The following SIMC1 variants were observed in gnomAD, a reference collection of about 807,000 sequenced individuals.
The protein encoded by SIMC1 is SUMO-interacting motif-containing protein 1.
A neutral mutation model predicts 82.3 loss-of-function variants in SIMC1; 55 were observed. The ratio of observed to expected loss-of-function variants is 0.67; its 90% confidence interval spans 0.54 to 0.84. The LOEUF (loss-of-function observed/expected upper bound fraction) is 0.84, where lower values mean the gene tolerates loss of function less well. SIMC1 is among the 40% of genes least tolerant of loss of function. The pLI is 0.00. For missense variants in SIMC1, 915 were observed against 1,107.2 expected (o/e 0.83, Z 2.46); for synonymous variants, 353 against 426.3 (o/e 0.83, Z 2.12).
At chr5:176,312,686 T>C (rs1581298059) in intron 4 of SIMC1, among the ~76,000 whole-genome samples, 1 of 152,186 alleles carries the variant, frequency 6.6e-6, no homozygotes, top group African/African-American at 2.4e-5. Context: ...AAATGATATG[T>C]ATTCAGAATG....
intron 1 of SIMC1, among the ~76,000 whole-genome samples, chr5:176,288,281 A>G (rs1763384820): frequency 6.6e-6 from 1 of 152,074 alleles, no homozygotes; most frequent in Non-Finnish European, 1.5e-5. Context: ...GGTGGTGTAC[A>G]TCTGTAATCC....
chr5:176,251,726 T>C (rs1346403904), intron 1 of SIMC1, among the ~76,000 whole-genome samples: 7 of 151,644 alleles, frequency 4.6e-5, no homozygotes, highest in South Asian at 2.1e-4. Context: ...GAGGACCCTG[T>C]GGCCTTCCGC....
At chr5:176,263,313 G>A in intron 1 of SIMC1, 3 of 820,186 alleles carry the variant, frequency 3.7e-6, no homozygotes, top group Non-Finnish European at 5.4e-6. Flanking sequence ...AGGGACAAAA[G>A]ATTCAGAATA....
chr5:176,294,964 CAAA>C (rs70991529), intron 2 of SIMC1, 63 bp from the exon 3 acceptor site: 11,833 of 1,186,074 alleles, frequency 1.0e-2, no homozygotes, highest in East Asian at 0.019. Flanking sequence ...GACTCCGTCT[CAAA>C]AAAAAAAAAA....
At chr5:176,307,240 G>A (rs2113327014) in intron 4 of SIMC1, among the ~76,000 whole-genome samples, 1 of 151,892 alleles carries the variant, frequency 6.6e-6, no homozygotes, top group African/African-American at 2.4e-5. Flanking sequence ...GGAAAACAGT[G>A]AGGGAGTGTG....
rs1159766316 is a variant in SIMC1 at position 176,267,733 on chromosome 5, G to GTT, written c.130-21893_130-21892dup. 8.5e-3 allele frequency among the ~76,000 whole-genome samples: 233 copies of GTT among 27,252 alleles called. 12 individuals carry two copies. The highest frequency in any genetic ancestry group is 0.022 in the African/African-American group (107 of 4,914). The allele number at this position is 27,252 out of a possible 152,430, so 17.9% of individuals were successfully genotyped here. On this transcript the variant is annotated intron_variant, in intron 1 of 9. Coordinates refer to ENST00000429602, the MANE Select transcript of SIMC1 (RefSeq NM_001308195.2). ...ATTCGATAAATTTTCTTTTCTTTCT[G>GTT]TTTTTTTTTTTTTTTTTTTTTTTTT...
At chr5:176,264,848 G>A (rs1762137459) in intron 1 of SIMC1, among the ~76,000 whole-genome samples, 1 of 152,122 alleles carries the variant, frequency 6.6e-6, no homozygotes, top group Non-Finnish European at 1.5e-5. Flanking sequence ...GATGTTGCTG[G>A]AAGCCTCAGC....
chr5:176,340,741 A>G (rs1766100861), intron 9 of SIMC1, among the ~76,000 whole-genome samples: 2 of 152,254 alleles, frequency 1.3e-5, no homozygotes, highest in African/African-American at 4.8e-5. Context: ...GAATAATGAT[A>G]CAAGTAACCT....
chr5:176,304,761 C>G (rs554404743), intron 4 of SIMC1, among the ~76,000 whole-genome samples: 56 of 151,738 alleles, frequency 3.7e-4, no homozygotes, highest in African/African-American at 1.3e-3. Flanking sequence ...TTCCCAGCCG[C>G]CATCCATCTA....
intron 5 of SIMC1, among the ~76,000 whole-genome samples, chr5:176,315,104 G>A (rs751496260): frequency 1.3e-5 from 2 of 152,054 alleles, no homozygotes; most frequent in Non-Finnish European, 2.9e-5. Flanking sequence ...CCTGAGGGTG[G>A]GTAATTTATA....
chr5:176,335,271 A>G (rs1478865464), intron 7 of SIMC1, among the ~76,000 whole-genome samples: 1 of 89,950 alleles, frequency 1.1e-5, no homozygotes, highest in Admixed American at 1.1e-4. Flanking sequence ...CTTTCTTTGT[A>G]TCTTTTTTTT....
At chr5:176,294,643 T>C (rs575545659) in intron 2 of SIMC1, among the ~76,000 whole-genome samples, 41 of 151,628 alleles carry the variant, frequency 2.7e-4, no homozygotes, top group African/African-American at 9.4e-4. Flanking sequence ...CTTCAACGTA[T>C]TCTAGAACCT....
At chr5:176,329,898 C>T (rs1471247264) in intron 7 of SIMC1, among the ~76,000 whole-genome samples, 1 of 152,036 alleles carries the variant, frequency 6.6e-6, no homozygotes. Context: ...TCAGTATGAA[C>T]TTGTGGTTTC....
chr5:176,345,409 T>C lies in SIMC1; in HGVS notation c.2640T>C (p.Asp880=). The change falls in exon 10 of 10, where the codon GAT becomes GAC. Residue 880 remains aspartate, a synonymous_variant. Coordinates refer to ENST00000429602, the MANE Select transcript of SIMC1 (RefSeq NM_001308195.2). The part of the protein sequence containing the change: ...LLFYAADLNP[D]AEPFQKGWSG... Reference sequence around the variant, plus strand: ...TCTATGCTGCGGACTTGAACCCTGATGCAGAGCCCTTTCAAAAGGGCTGGA... The same window carrying C: ...TCTATGCTGCGGACTTGAACCCTGACGCAGAGCCCTTTCAAAAGGGCTGGA... The C allele has an allele frequency of 6.2e-7, 1 of 1,613,872 alleles. No individual in the cohort carries two copies. Among genetic ancestry groups the C allele is most frequent in the Non-Finnish European group, 8.5e-7 (1 of 1,179,838 alleles).
At chr5:176,339,981 T>C (rs1484416674) in intron 9 of SIMC1, among the ~76,000 whole-genome samples, 1 of 152,164 alleles carries the variant, frequency 6.6e-6, no homozygotes, top group African/African-American at 2.4e-5. Context: ...TGAGGGCATT[T>C]TGAGATCAGT....
intron 1 of SIMC1, among the ~76,000 whole-genome samples, chr5:176,276,340 G>A (rs1271192201): frequency 6.6e-6 from 1 of 151,196 alleles, no homozygotes; most frequent in East Asian, 1.9e-4. Flanking sequence ...ATTTTTTATT[G>A]CGACTGTTTG....
At chr5:176,333,385 A>G (rs1302454693) in intron 7 of SIMC1, among the ~76,000 whole-genome samples, 2 of 152,150 alleles carry the variant, frequency 1.3e-5, no homozygotes, top group Admixed American at 6.5e-5. Context: ...TTCACTCAGC[A>G]TAATTCCCTG....
Position 176,289,830 on chromosome 5 carries a change from C to T in SIMC1, c.306C>T (p.Ser102=). ...KEPTSLQTCA[S]LSGKAVMEGH... ...CAACCAGTCTTCAGACATGTGCCAGCCTCTCTGGCAAAGCGGTGATGGAAG... is the reference window on the plus strand; with the variant it reads ...CAACCAGTCTTCAGACATGTGCCAGTCTCTCTGGCAAAGCGGTGATGGAAG... Residue 102 remains serine, a synonymous_variant, in exon 2 of 10, where the codon AGC becomes AGT. Coordinates refer to ENST00000429602, the MANE Select transcript of SIMC1 (RefSeq NM_001308195.2). 1 of 1,614,008 alleles carries T rather than the reference C, an allele frequency of 6.2e-7. No homozygotes were observed. Among genetic ancestry groups the T allele is most frequent in the Non-Finnish European group, 8.5e-7 (1 of 1,179,898 alleles).
chr5:176,269,686 A>AACAAAAACAGAAAAATT (rs1762343016), intron 1 of SIMC1, among the ~76,000 whole-genome samples: 1 of 152,222 alleles, frequency 6.6e-6, no homozygotes, highest in Non-Finnish European at 1.5e-5. Flanking sequence ...TTACTCCGAT[A>AACAAAAACAGAAAAATT]ACAAAAACAG....
Sources: gnomAD v4.1 joint callset for allele counts (sites outside exome capture counted in the v4.1 genomes callset) on GRCh38, gnomAD v4.1.1 for gene constraint, MANE v1.5 for transcripts, NCBI Gene and HGNC (gene_info 2026-07-23, HGNC 2026-07-21) for gene names.